The following PPFIA2 variants were observed in gnomAD, a reference collection of about 807,000 sequenced individuals.
PPFIA2 encodes the protein PPFI scaffold protein A2.
A neutral mutation model predicts 175.5 loss-of-function variants in PPFIA2; 46 were observed. The ratio of observed to expected loss-of-function variants is 0.26; its 90% CI spans 0.21 to 0.34. PPFIA2 has a LOEUF of 0.34. Among genes scored for constraint, PPFIA2 ranks in the 10% least tolerant of loss-of-function variants. The pLI, the probability that PPFIA2 is intolerant of heterozygous loss-of-function variation, is 1.00. For missense variants in PPFIA2, 1,179 were observed against 1,506.1 expected, an observed-to-expected ratio of 0.78 and a Z score of 3.60; for synonymous variants, 568 against 511.4, an observed-to-expected ratio of 1.11 and a Z score of -1.49.
intron 4 of PPFIA2, among the ~76,000 whole-genome samples, chr12:81,600,194 G>A (rs966053555): frequency 2.6e-5 from 4 of 151,694 alleles, no homozygotes; most frequent in Non-Finnish European, 5.9e-5. Flanking sequence ...TGTAATGGCT[G>A]GCCTCTTTTC....
intron 4 of PPFIA2, among the ~76,000 whole-genome samples, chr12:81,630,641 C>T (rs897292984): frequency 6.6e-6 from 1 of 151,982 alleles, no homozygotes; most frequent in African/African-American, 2.4e-5. Context: ...ATTTCCATTC[C>T]TTCCCAGATT....
At chr12:81,443,404 C>T (rs932812649) in intron 6 of PPFIA2, among the ~76,000 whole-genome samples, 1 of 152,036 alleles carries the variant, frequency 6.6e-6, no homozygotes, top group Non-Finnish European at 1.5e-5. Context: ...TTCAGAATAC[C>T]TATGGTGAGT....
chr12:81,673,487 A>G (rs1414493923), intron 4 of PPFIA2, among the ~76,000 whole-genome samples: 1 of 152,064 alleles, frequency 6.6e-6, no homozygotes, highest in Non-Finnish European at 1.5e-5. Flanking sequence ...TTTACAAAGC[A>G]CTATTTAATT....
intron 4 of PPFIA2, among the ~76,000 whole-genome samples, chr12:81,521,947 G>A (rs566216435): frequency 2.4e-3 from 363 of 152,188 alleles, no homozygotes; most frequent in Non-Finnish European, 3.7e-3. Flanking sequence ...TTACATAAAG[G>A]ATTAATTTTT....
At chr12:81,427,374 T>C (rs991052319) in intron 7 of PPFIA2, among the ~76,000 whole-genome samples, 1 of 152,090 alleles carries the variant, frequency 6.6e-6, no homozygotes, top group Admixed American at 6.6e-5. Flanking sequence ...TATCCTTTTC[T>C]CATACATTAA....
chr12:81,519,053 T>C (rs1195297977), intron 4 of PPFIA2, among the ~76,000 whole-genome samples: 3 of 152,180 alleles, frequency 2.0e-5, no homozygotes, highest in African/African-American at 4.8e-5. Flanking sequence ...ATGTATTCTA[T>C]TCTTTTTGTC....
At chr12:81,660,609 T>C (rs1023819986) in intron 4 of PPFIA2, among the ~76,000 whole-genome samples, 2 of 152,322 alleles carry the variant, frequency 1.3e-5, no homozygotes, top group East Asian at 3.9e-4. Context: ...AGGAACCAAG[T>C]TGGAAAACAC....
intron 13 of PPFIA2, among the ~76,000 whole-genome samples, chr12:81,367,712 C>G (rs1032296478): frequency 6.6e-6 from 1 of 151,572 alleles, no homozygotes; most frequent in Non-Finnish European, 1.5e-5. Flanking sequence ...TTACATGTCA[C>G]AAAGTCAGTG....
intron 4 of PPFIA2, among the ~76,000 whole-genome samples, chr12:81,674,016 A>C (rs2071954418): frequency 1.3e-5 from 2 of 152,060 alleles, no homozygotes; most frequent in Admixed American, 1.3e-4. Flanking sequence ...AGATATGCAA[A>C]TTTACTTATA....
chr12:81,542,552 G>T (rs1169071472), intron 4 of PPFIA2, among the ~76,000 whole-genome samples: 1 of 152,136 alleles, frequency 6.6e-6, no homozygotes. Flanking sequence ...GATCCTAGAA[G>T]TAATGGGACC....
intron 7 of PPFIA2, among the ~76,000 whole-genome samples, chr12:81,408,024 T>C (rs2043236111): frequency 6.6e-6 from 1 of 152,162 alleles, no homozygotes; most frequent in Admixed American, 6.6e-5. Context: ...GGGTATTCAC[T>C]AAAAATGTGT....
intron 21 of PPFIA2, among the ~76,000 whole-genome samples, chr12:81,331,951 G>T (rs2056214966): frequency 6.6e-6 from 1 of 152,128 alleles, no homozygotes; most frequent in South Asian, 2.1e-4. Flanking sequence ...AGACTCAAAA[G>T]AGTTGGTGTT....
chr12:81,475,246 T>C (rs1022596932), intron 4 of PPFIA2, among the ~76,000 whole-genome samples: 2 of 152,144 alleles, frequency 1.3e-5, no homozygotes, highest in African/African-American at 4.8e-5. Context: ...AGAGACTGTG[T>C]ATTTGTTAAA....
At chr12:81,388,503 G>A (rs1444915920) in intron 8 of PPFIA2, among the ~76,000 whole-genome samples, 2 of 151,984 alleles carry the variant, frequency 1.3e-5, no homozygotes, top group Non-Finnish European at 2.9e-5. Flanking sequence ...GTTGGAATGG[G>A]GGAGGTGGGG....
chr12:81,375,584 G>T, intron 10 of PPFIA2: 2 of 571,282 alleles, frequency 3.5e-6, no homozygotes, highest in South Asian at 2.1e-5. Flanking sequence ...GTAAATCAGA[G>T]TCATTATTTG....
chr12:81,608,677 T>C (rs546127498), intron 4 of PPFIA2, among the ~76,000 whole-genome samples: 2 of 152,190 alleles, frequency 1.3e-5, no homozygotes, highest in Admixed American at 1.3e-4. Context: ...ATTTGGATCT[T>C]CTATTTTTTT....
In PPFIA2 at chr12:81,656,737, G is replaced by A. The variant is rs548454484; in HGVS notation, c.303+20054C>T. Among the ~76,000 whole-genome samples the A allele has an allele frequency of 5.9e-5, 9 of 151,686 alleles. No homozygotes were observed. The South Asian group carries it at 1.9e-3, about 31-fold the overall frequency. On this transcript the variant is annotated intron_variant, in intron 4 of 32. Coordinates refer to ENST00000549396, the MANE Select transcript of PPFIA2 (RefSeq NM_003625.5). ...TATATAAATGATTTAGTTACTTTCA[G>A]AGAACTTTGGTGAACTCTTTTGGTA...
intron 3 of PPFIA2, among the ~76,000 whole-genome samples, chr12:81,691,983 G>A (rs1350943666): frequency 1.3e-5 from 2 of 151,828 alleles, no homozygotes; most frequent in Non-Finnish European, 2.9e-5. Flanking sequence ...TAGATGTTTA[G>A]GCCTAGTAAA....
chr12:81,623,069 T>C (rs2062249223), intron 4 of PPFIA2, among the ~76,000 whole-genome samples: 1 of 152,084 alleles, frequency 6.6e-6, no homozygotes, highest in Admixed American at 6.6e-5. Flanking sequence ...ATAGTGACTA[T>C]TCTCTTCCAT....
Sources: gnomAD v4.1 joint callset for allele counts (sites outside exome capture counted in the v4.1 genomes callset) on GRCh38, gnomAD v4.1.1 for gene constraint, MANE v1.5 for transcripts, NCBI Gene and HGNC (gene_info 2026-07-23, HGNC 2026-07-21) for gene names.